CDH4: variants seen among roughly 807,000 people sequenced by gnomAD.
The protein encoded by CDH4 is cadherin-4.
In CDH4, 33 loss-of-function variants were observed where a neutral mutation model predicts 86.0. The ratio of observed to expected loss-of-function variants is 0.38; its 90% CI spans 0.29 to 0.51. The LOEUF (loss-of-function observed/expected upper bound fraction) is 0.51, where lower values mean the gene tolerates loss of function less well. Among genes scored for constraint, CDH4 ranks in the 20% least tolerant of loss-of-function variants. CDH4 has a pLI of 0.86. For synonymous variants in CDH4, 555 were observed against 549.4 expected (o/e 1.01, Z -0.14); for missense variants, 1,114 against 1,307.4 (o/e 0.85, Z 2.28).
At chr20:61,461,418 G>A (rs1354695961) in intron 2 of CDH4, among the ~76,000 whole-genome samples, 1 of 152,168 alleles carries the variant, frequency 6.6e-6, no homozygotes, top group Non-Finnish European at 1.5e-5. Context: ...CAGCAGCAGT[G>A]AGGAGCCTCT....
At chr20:61,633,845 C>A (rs547555514) in intron 2 of CDH4, among the ~76,000 whole-genome samples, 15 of 152,310 alleles carry the variant, frequency 9.8e-5, no homozygotes, top group African/African-American at 1.7e-4. Flanking sequence ...CATCTCCCCC[C>A]CAGCTGTCCA....
At chr20:61,548,807 A>G (rs960599056) in intron 2 of CDH4, among the ~76,000 whole-genome samples, 5 of 152,198 alleles carry the variant, frequency 3.3e-5, no homozygotes, top group Non-Finnish European at 5.9e-5. Context: ...GGAGTTGGAG[A>G]CAGGAAGGAT....
chr20:61,372,921 G>C (rs972335662), intron 2 of CDH4, among the ~76,000 whole-genome samples: 4 of 152,276 alleles, frequency 2.6e-5, no homozygotes, highest in Admixed American at 2.6e-4. Context: ...AGCAGGCGTG[G>C]ACACGCAACC....
intron 2 of CDH4, among the ~76,000 whole-genome samples, chr20:61,563,769 C>T (rs1404212351): frequency 2.6e-5 from 4 of 152,210 alleles, no homozygotes. Context: ...CTCTGTGTGG[C>T]TCTGTGGAGC....
chr20:61,597,033 G>C (rs2086561892), intron 2 of CDH4, among the ~76,000 whole-genome samples: 1 of 152,206 alleles, frequency 6.6e-6, no homozygotes, highest in Non-Finnish European at 1.5e-5. Flanking sequence ...CCTTCAGTGG[G>C]CCTGATAAAT....
chr20:61,816,181 C>T (rs35383498), intron 4 of CDH4, among the ~76,000 whole-genome samples: 63,381 of 152,038 alleles, frequency 0.42, 16,046 homozygotes, highest in Non-Finnish European at 0.58. Flanking sequence ...GGAGGTGCCA[C>T]CATCATCTTC....
At chr20:61,425,203 C>T (rs1038649327) in intron 2 of CDH4, among the ~76,000 whole-genome samples, 2 of 152,224 alleles carry the variant, frequency 1.3e-5, no homozygotes, top group East Asian at 3.9e-4. Context: ...AGGTCCAGCC[C>T]GGCCCAGAGG....
chr20:61,520,043 C>T (rs1028366503), intron 2 of CDH4, among the ~76,000 whole-genome samples: 2 of 152,292 alleles, frequency 1.3e-5, no homozygotes, highest in East Asian at 3.9e-4. Context: ...AGTTTCTAGG[C>T]TATTGACTAT....
intron 2 of CDH4, among the ~76,000 whole-genome samples, chr20:61,642,697 G>C (rs550030546): frequency 1.1e-4 from 17 of 152,304 alleles, no homozygotes; most frequent in African/African-American, 3.9e-4. Flanking sequence ...CTGTAGGTCA[G>C]AAGTCTTACA....
At chr20:61,785,103 A>G (rs1185211956) in intron 4 of CDH4, among the ~76,000 whole-genome samples, 1 of 152,094 alleles carries the variant, frequency 6.6e-6, no homozygotes, top group Non-Finnish European at 1.5e-5. Context: ...GGCTCTGCCC[A>G]GCATGTGGCT....
chr20:61,577,252 A>T (rs1291330468), intron 2 of CDH4, among the ~76,000 whole-genome samples: 1 of 145,350 alleles, frequency 6.9e-6, no homozygotes, highest in Non-Finnish European at 1.5e-5. Flanking sequence ...GGTTGAGTGT[A>T]TGTGTATTGA....
chr20:61,354,123 G>A (rs1047496197), intron 2 of CDH4, among the ~76,000 whole-genome samples: 5 of 152,192 alleles, frequency 3.3e-5, no homozygotes, highest in Admixed American at 6.5e-5. Context: ...TGCTGGCATC[G>A]TGTAGGTGGA....
rs2085771522 is a variant in CDH4 at position 61,510,468 on chromosome 20, T to A, written c.170-233095T>A. On this transcript the variant is annotated intron_variant, in intron 2 of 15. Coordinates refer to ENST00000614565, the MANE Select transcript of CDH4 (RefSeq NM_001794.5). This position sits in a 1 kb window ranked among gnomAD's most constrained non-coding sequence, Gnocchi z 4.2. ...TACGTTTACTATCGGAATGCCCGCA[T>A]GCCTGCTGGGCTGATGGCATCCCAT... is the stretch of plus-strand genomic sequence containing the variant. Among the ~76,000 whole-genome samples, 1 of 152,214 alleles carries A rather than the reference T, an allele frequency of 6.6e-6. No individual in the cohort carries two copies. Among genetic ancestry groups the A allele is most frequent in the African/African-American group, 2.4e-5 (1 of 41,460 alleles).
At chr20:61,911,929 C>A (rs1428717577) in intron 9 of CDH4, among the ~76,000 whole-genome samples, 1 of 152,212 alleles carries the variant, frequency 6.6e-6, no homozygotes, top group Middle Eastern at 3.2e-3. Flanking sequence ...AATTTAAATA[C>A]TCGAGAGTTG....
intron 2 of CDH4, among the ~76,000 whole-genome samples, chr20:61,686,655 G>A (rs1157614167): frequency 6.6e-6 from 1 of 151,346 alleles, no homozygotes; most frequent in Non-Finnish European, 1.5e-5. Flanking sequence ...TCGCGTGTGT[G>A]CATTCGCGTG....
At chr20:61,283,740 T>C (rs987033549) in intron 2 of CDH4, among the ~76,000 whole-genome samples, 7 of 152,260 alleles carry the variant, frequency 4.6e-5, no homozygotes, top group African/African-American at 1.7e-4. Flanking sequence ...CATTTCTTTG[T>C]GATGGGTCAT....
At chr20:61,572,718 C>T (rs1476715808) in intron 2 of CDH4, among the ~76,000 whole-genome samples, 1 of 152,190 alleles carries the variant, frequency 6.6e-6, no homozygotes, top group Non-Finnish European at 1.5e-5. Flanking sequence ...AAAGAGGAGT[C>T]CTTCTCAGCT....
chr20:61,333,285 A>G (rs377453462), intron 2 of CDH4, among the ~76,000 whole-genome samples: 2 of 121,696 alleles, frequency 1.6e-5, no homozygotes, highest in African/African-American at 6.0e-5. Flanking sequence ...ACACACACAC[A>G]CATGCACACA....
Position 61,468,195 on chromosome 20 carries a change from C to G in CDH4, c.169+213258C>G, listed in dbSNP as rs1013562669. ...CAGCCCTTCTGGGAGCCAACTGATT[C>G]TGTATGACCCAAACCTCCACCCCAT... On this transcript the variant is annotated intron_variant, in intron 2 of 15. Transcript: ENST00000614565. Among the ~76,000 whole-genome samples the G allele has an allele frequency of 4.6e-5, 7 of 152,168 alleles. No individual in the cohort carries two copies. In the East Asian group the frequency reaches 1.4e-3, roughly 29 times the overall value.
Sources: allele counts gnomAD v4.1 joint callset (sites outside exome capture counted in the v4.1 genomes callset), GRCh38; gene constraint gnomAD v4.1.1; non-coding constraint Gnocchi (gnomAD v3.1); transcripts MANE v1.5; gene names NCBI Gene and HGNC (gene_info 2026-07-23, HGNC 2026-07-21).